The following NAA20 variants were observed in gnomAD, a reference collection of about 807,000 sequenced individuals.
NAA20 encodes N-alpha-acetyltransferase 20, NatB catalytic subunit, also known as N-alpha-acetyltransferase 20.
A neutral mutation model predicts 23.8 loss-of-function variants in NAA20; 24 were observed. The observed-to-expected ratio is 1.01, with a 90% confidence interval of 0.73 to 1.42. The LOEUF (loss-of-function observed/expected upper bound fraction) is 1.42, where lower values mean the gene tolerates loss of function less well. Ranked by LOEUF, NAA20 falls within the 40% of genes most tolerant of loss-of-function variation. The pLI is 0.00. For missense variants in NAA20, 166 were observed against 223.1 expected (o/e 0.74, Z 1.63); for synonymous variants, 83 against 77.7 (o/e 1.07, Z -0.36).
chr20:20,033,463 T>C lies in NAA20; in HGVS notation c.*276T>C. 3.3e-6 allele frequency: 1 copy of C among 299,180 alleles called. No homozygotes were observed. The allele number at this position is 299,180 out of a possible 1,614,324, so 18.5% of individuals were successfully genotyped here. Reference sequence around the variant, plus strand: ...CATGGTTCATAGTATTCACTGTATGTATGCTAGGGAAAAGACTTGCTCCAG... The same window carrying C: ...CATGGTTCATAGTATTCACTGTATGCATGCTAGGGAAAAGACTTGCTCCAG... On this transcript the variant is annotated 3_prime_UTR_variant, in exon 6 of 6. Transcript: ENST00000334982.
At chr20:20,024,476 T>A (rs767408605) in intron 2 of NAA20, among the ~76,000 whole-genome samples, 4 of 152,146 alleles carry the variant, frequency 2.6e-5, no homozygotes, top group African/African-American at 7.2e-5. Flanking sequence ...CTGGATTTTT[T>A]AAATTACGAC....
intron 1 of NAA20, 136 bp from the exon 2 acceptor site, chr20:20,022,320 C>T (rs2043274351): frequency 1.3e-6 from 1 of 763,270 alleles, no homozygotes; most frequent in Non-Finnish European, 2.1e-6. Flanking sequence ...TGCCTCAGCC[C>T]TAAAGTTGGC....
At chr20:20,026,452 GTACCCACATA>G (rs1329739844) in intron 3 of NAA20, among the ~76,000 whole-genome samples, 1 of 151,102 alleles carries the variant, frequency 6.6e-6, no homozygotes, top group Non-Finnish European at 1.5e-5. Context: ...ACATCCACAT[GTACCCACATA>G]TACCCACACC....
chr20:20,027,976 AG>A (rs2043317803), intron 4 of NAA20, among the ~76,000 whole-genome samples: 1 of 152,136 alleles, frequency 6.6e-6, no homozygotes, highest in South Asian at 2.1e-4. Flanking sequence ...AGGGTTCTTG[AG>A]CTTAATTTCT....
At chr20:20,028,451 C>G (rs1294241629) in intron 4 of NAA20, among the ~76,000 whole-genome samples, 1 of 151,916 alleles carries the variant, frequency 6.6e-6, no homozygotes, top group African/African-American at 2.4e-5. Context: ...CAAACCTGCA[C>G]GTTCTGCACA....
At position 20,032,559 on chromosome 20, in the gene NAA20, AG is replaced by A; in HGVS notation, c.358del (p.Val120LeufsTer16). ...TTGTAAGAGTATCTAACCAAGTTGC[AG>A]TTAACATGTACAAGCAGTTGGGCTA... ...LFVRVSNQVA[V>X]NMYKQLGYSV... On this transcript the variant is annotated frameshift_variant, in exon 5 of 6. Coordinates refer to ENST00000334982, the MANE Select transcript of NAA20 (RefSeq NM_016100.5). LOFTEE classifies it high-confidence loss of function. 6.2e-7 allele frequency: 1 copy of A among 1,613,654 alleles called. No homozygotes were observed. Among genetic ancestry groups the A allele is most frequent in the Non-Finnish European group, 8.5e-7 (1 of 1,179,766 alleles).
At chr20:20,017,585 G>C in intron 1 of NAA20, 136 bp downstream of exon 1, 1 of 1,332,310 alleles carries the variant, frequency 7.5e-7, no homozygotes, top group African/African-American at 1.6e-5. Context: ...CCCCCCGCCG[G>C]CCAACGTGGG....
intron 1 of NAA20, 55 bp downstream of exon 1, chr20:20,017,504 C>T (rs1389221482): frequency 6.4e-7 from 1 of 1,560,042 alleles, no homozygotes; most frequent in Non-Finnish European, 8.7e-7. Flanking sequence ...GCTTCCCGGC[C>T]CCGCCAGCTC....
intron 1 of NAA20, among the ~76,000 whole-genome samples, chr20:20,019,388 A>G (rs188580808): frequency 6.6e-6 from 1 of 152,318 alleles, no homozygotes; most frequent in East Asian, 1.9e-4. Context: ...GGGAGGTGAC[A>G]GGGTGCCTTG....
chr20:20,017,564 C>A, intron 1 of NAA20, 115 bp downstream of exon 1: 3 of 1,391,106 alleles, frequency 2.2e-6, no homozygotes, highest in South Asian at 3.0e-5. Flanking sequence ...GACGGGGACC[C>A]GCGAGAACCA....
intron 1 of NAA20, chr20:20,018,769 GTAA>G (rs937693362): frequency 8.2e-5 from 30 of 365,342 alleles, no homozygotes; most frequent in African/African-American, 6.4e-4. Context: ...GAGTGCCCAC[GTAA>G]TAATCCAGTT....
Position 20,017,903 on chromosome 20 carries a change from C to A in NAA20, c.53+454C>A, listed in dbSNP as rs1431123642. 5.0e-6 allele frequency: 8 copies of A among 1,602,698 alleles called. No homozygotes were observed. In the African/African-American group the frequency reaches 1.1e-4, roughly 21 times the overall value. On this transcript the variant is annotated intron_variant, in intron 1 of 5. Coordinates refer to ENST00000334982, the MANE Select transcript of NAA20 (RefSeq NM_016100.5). ...GCCGACGGCCAGGCCGCAGAGGGGG[C>A]TTGCGAGGATCGGAAGCTGGTCAGC... is the stretch of plus-strand genomic sequence containing the variant.
At chr20:20,027,671 C>T (rs763970743) in intron 4 of NAA20, among the ~76,000 whole-genome samples, 29 of 151,732 alleles carry the variant, frequency 1.9e-4, no homozygotes, top group Admixed American at 5.3e-4. Context: ...CCTGAACATT[C>T]GAAATATCCT....
intron 1 of NAA20, among the ~76,000 whole-genome samples, chr20:20,019,607 C>T (rs894476695): frequency 6.6e-6 from 1 of 152,156 alleles, no homozygotes; most frequent in South Asian, 2.1e-4. Flanking sequence ...TTTTTTGAGA[C>T]AGGGTCTCGC....
intron 4 of NAA20, among the ~76,000 whole-genome samples, chr20:20,029,750 C>CT (rs1486780173): frequency 2.4e-4 from 36 of 152,130 alleles, no homozygotes; most frequent in Non-Finnish European, 4.9e-4. Context: ...TTTAGACATG[C>CT]TTTTTTCTAA....
chr20:20,025,889 C>CA lies in NAA20; in HGVS notation c.169+124dup, dbSNP rs1384363756. The CA allele has an allele frequency of 9.4e-6, 7 of 744,470 alleles. No homozygotes were observed. In the African/African-American group the frequency reaches 1.2e-4, roughly 13 times the overall value. 46.1% of individuals were successfully genotyped at this position (744,470 alleles called of 1,614,324 possible). The stretch of plus-strand genomic sequence containing the variant: ...GCTTGTAATTTTATTTCCTCTTCAA[C>CA]AATTCAAGAACTTACTGATCTCTGT... On this transcript the variant is annotated intron_variant, in intron 3 of 5. Coordinates refer to ENST00000334982, the MANE Select transcript of NAA20 (RefSeq NM_016100.5).
chr20:20,017,843 T>C, intron 1 of NAA20: 1 of 1,524,924 alleles, frequency 6.6e-7, no homozygotes, highest in Non-Finnish European at 8.8e-7. Context: ...TGCTGGTTCG[T>C]GGCCGGGCCG....
intron 1 of NAA20, 156 bp downstream of exon 1, chr20:20,017,605 GGGGCCACAGGGTCCAGGGAGAGGT>G: frequency 7.7e-7 from 1 of 1,306,112 alleles, no homozygotes; most frequent in Non-Finnish European, 1.0e-6. Context: ...GCGCCTCCCT[GGGGCCACAGGGTCCAGGGAGAGGT>G]GGGCCTGGAG....
At chr20:20,026,568 TTC>T (rs959080952) in intron 3 of NAA20, among the ~76,000 whole-genome samples, 8 of 151,962 alleles carry the variant, frequency 5.3e-5, no homozygotes, top group African/African-American at 7.2e-5. Context: ...TTTGTTCTAA[TTC>T]TGATTTTAGA....
Sources: gnomAD v4.1 joint callset for allele counts (sites outside exome capture counted in the v4.1 genomes callset) on GRCh38, gnomAD v4.1.1 for gene constraint, MANE v1.5 for transcripts, NCBI Gene and HGNC (gene_info 2026-07-23, HGNC 2026-07-21) for gene names.